TNRC18: variants seen among roughly 807,000 people sequenced by gnomAD.
TNRC18 encodes trinucleotide repeat-containing gene 18 protein.
A neutral mutation model predicts 226.7 loss-of-function variants in TNRC18; 69 were observed. The ratio of observed to expected loss-of-function variants is 0.30; its 90% confidence interval spans 0.25 to 0.37. The LOEUF (loss-of-function observed/expected upper bound fraction) is 0.37. TNRC18 is among the 10% of genes least tolerant of loss of function. The pLI is 1.00. For synonymous variants in TNRC18, 2,449 were observed against 1,927.6 expected, an observed-to-expected ratio of 1.27 and a Z score of -7.09; for missense variants, 4,754 against 4,256.6, an observed-to-expected ratio of 1.12 and a Z score of -3.25.
chr7:5,371,958 C>T (rs990337524), intron 10 of TNRC18, among the ~76,000 whole-genome samples: 5 of 152,302 alleles, frequency 3.3e-5, no homozygotes, highest in African/African-American at 4.8e-5. Flanking sequence ...AACGCAACGG[C>T]GCCATCTCAG....
chr7:5,397,062 T>C (rs1780740758), intron 2 of TNRC18, among the ~76,000 whole-genome samples: 1 of 151,954 alleles, frequency 6.6e-6, no homozygotes, highest in South Asian at 2.1e-4. Context: ...CCACACGCCA[T>C]CACCACCACC....
chr7:5,317,941 C>A (rs1234637004), intron 24 of TNRC18, among the ~76,000 whole-genome samples: 1 of 150,846 alleles, frequency 6.6e-6, no homozygotes, highest in Non-Finnish European at 1.5e-5. Flanking sequence ...GTGATCTCGG[C>A]TCACTGCAAC....
chr7:5,377,052 G>C lies in TNRC18; in HGVS notation c.2462-59C>G. ...GGGAGCCCCCAAGCGGTTTGTCCTCGGGCAGCCCCAGCCCAGCACCACCTC... is the reference window on the plus strand; with the variant it reads ...GGGAGCCCCCAAGCGGTTTGTCCTCCGGCAGCCCCAGCCCAGCACCACCTC... On this transcript the variant is annotated intron_variant, in intron 7 of 29. Coordinates refer to ENST00000430969, the MANE Select transcript of TNRC18 (RefSeq NM_001080495.3). This position sits in a 1 kb window ranked among gnomAD's most constrained non-coding sequence, Gnocchi z 5.8. 1 of 1,533,380 alleles carries C rather than the reference G, an allele frequency of 6.5e-7. No individual in the cohort carries two copies. The highest frequency in any genetic ancestry group is 8.8e-7 in the Non-Finnish European group (1 of 1,142,444). The allele number at this position is 1,533,380 out of a possible 1,614,324, so 95.0% of individuals were successfully genotyped here.
intron 18 of TNRC18, among the ~76,000 whole-genome samples, chr7:5,341,135 G>T (rs971172991): frequency 1.3e-5 from 2 of 151,904 alleles, no homozygotes; most frequent in Non-Finnish European, 2.9e-5. Context: ...CAACAGGCCG[G>T]GTGCAGTGGC....
At chr7:5,355,665 T>A (rs1262009941) in intron 16 of TNRC18, among the ~76,000 whole-genome samples, 1 of 152,026 alleles carries the variant, frequency 6.6e-6, no homozygotes, top group African/African-American at 2.4e-5. Flanking sequence ...AGGGGAGGAT[T>A]GCTTGAGCCC....
At chr7:5,320,044 T>C (rs1788190920) in intron 24 of TNRC18, 3 of 392,218 alleles carry the variant, frequency 7.6e-6, no homozygotes, top group Admixed American at 3.6e-5. Flanking sequence ...CCTCCAATGA[T>C]AAGAGTTCTT....
intron 17 of TNRC18, among the ~76,000 whole-genome samples, chr7:5,350,635 C>A (rs1470720103): frequency 6.6e-6 from 1 of 152,186 alleles, no homozygotes; most frequent in East Asian, 1.9e-4. Context: ...GAAAAAATGT[C>A]AGAGATTCAC....
intron 21 of TNRC18, among the ~76,000 whole-genome samples, chr7:5,323,658 C>T (rs1183837217): frequency 1.3e-5 from 2 of 151,586 alleles, no homozygotes; most frequent in Admixed American, 1.3e-4. Context: ...ACCTCCGCCT[C>T]CTGGTTTCAA....
In TNRC18 at chr7:5,312,475, G is replaced by A. The variant is rs982326819; in HGVS notation, c.8388+28C>T. 5.0e-6 allele frequency: 8 copies of A among 1,605,034 alleles called. No homozygotes were observed. Among genetic ancestry groups the A allele is most frequent in the South Asian group, 2.2e-5 (2 of 90,448 alleles). Reference sequence around the variant, plus strand: ...AGAGACACAAGGCCCCCGGCCCCTCGGCCGTGCCCGGGCGCGAGCTTGCTC... The same window carrying A: ...AGAGACACAAGGCCCCCGGCCCCTCAGCCGTGCCCGGGCGCGAGCTTGCTC... On this transcript the variant is annotated intron_variant, in intron 27 of 29. Transcript: ENST00000430969. The surrounding 1 kb of genome is among the most constrained non-coding windows in gnomAD (Gnocchi z 6.3).
intron 2 of TNRC18, among the ~76,000 whole-genome samples, chr7:5,409,288 A>G (rs1781687533): frequency 6.6e-6 from 1 of 152,150 alleles, no homozygotes; most frequent in African/African-American, 2.4e-5. Context: ...ACGCCAGGGG[A>G]AAAAAATACA....
At chr7:5,383,441 A>G (rs1339534461) in intron 5 of TNRC18, among the ~76,000 whole-genome samples, 3 of 152,144 alleles carry the variant, frequency 2.0e-5, no homozygotes, top group East Asian at 1.9e-4. Flanking sequence ...CGCACCCACT[A>G]TGTGCCCGTC....
intron 18 of TNRC18, among the ~76,000 whole-genome samples, chr7:5,341,032 T>C (rs6947886): frequency 0.32 from 49,226 of 151,932 alleles, 9,535 homozygotes; most frequent in East Asian, 0.67. Context: ...TGGGGACTTT[T>C]AAGTTGAAGC....
rs1583905844 is a variant in TNRC18, at chr7:5,359,689, A to G, written c.4662-120T>C. The G allele has an allele frequency of 2.7e-6, 3 of 1,093,574 alleles. No homozygotes were observed. The East Asian group carries it at 7.1e-5, about 26-fold the overall frequency. 67.7% of individuals were successfully genotyped at this position (1,093,574 alleles called of 1,614,324 possible). On this transcript the variant is annotated intron_variant, in intron 14 of 29. Transcript: ENST00000430969. Reference sequence around the variant, plus strand: ...CCCTGAGCGTGGACAGTGATGGCAGAGTGACGGGCGTGGGGAGATGGATCT... The same window carrying G: ...CCCTGAGCGTGGACAGTGATGGCAGGGTGACGGGCGTGGGGAGATGGATCT...
chr7:5,365,878 T>C (rs939142347), intron 11 of TNRC18, among the ~76,000 whole-genome samples: 3 of 152,132 alleles, frequency 2.0e-5, no homozygotes, highest in African/African-American at 7.2e-5. Context: ...GAGACCAGCC[T>C]GACCAACATG....
rs771326389 is a variant in TNRC18, at chr7:5,313,184, G to GCTA, written c.7704_7706dup (p.Ser2577dup). ...CGCTGCTGCTGCTGCTGCTGCTGCT[G>GCTA]CTACTGCTGCCACTACTGCTGCTGC... On this transcript the variant is annotated inframe_insertion, in exon 27 of 30. Coordinates refer to ENST00000430969, the MANE Select transcript of TNRC18 (RefSeq NM_001080495.3). The GCTA allele has an allele frequency of 1.9e-6, 3 of 1,541,458 alleles. No individual in the cohort carries two copies. Among genetic ancestry groups the GCTA allele is most frequent in the Admixed American group, 2.0e-5 (1 of 50,888 alleles).
rs188992277 is a variant in TNRC18 at position 5,334,172 on chromosome 7, C to T, written c.5720-1123G>A. Among the ~76,000 whole-genome samples the T allele has an allele frequency of 6.6e-3, 1,008 of 152,322 alleles. 9 individuals are homozygous for T. Among genetic ancestry groups the T allele is most frequent in the African/African-American group, 0.024 (984 of 41,560 alleles). On this transcript the variant is annotated intron_variant, in intron 18 of 29. Coordinates refer to ENST00000430969, the MANE Select transcript of TNRC18 (RefSeq NM_001080495.3). The stretch of plus-strand genomic sequence containing the variant: ...GGCCCAATCCCAGGCCTACTGACCC[C>T]GGGGGGCAGCCGTGAGAGGCTTGCT...
At chr7:5,414,614 A>G (rs925145398) in intron 2 of TNRC18, among the ~76,000 whole-genome samples, 2 of 151,886 alleles carry the variant, frequency 1.3e-5, no homozygotes, top group African/African-American at 2.4e-5. Flanking sequence ...GGGTTTCACC[A>G]TGTTATCCAG....
chr7:5,371,426 A>C, intron 10 of TNRC18, 62 bp from the exon 11 acceptor site: 1 of 1,436,786 alleles, frequency 7.0e-7, no homozygotes, highest in South Asian at 1.5e-5. Context: ...GTCCCCACTG[A>C]CACCCGCCCA....
chr7:5,362,029 T>C lies in TNRC18; in HGVS notation c.4400A>G (p.Tyr1467Cys). 6.2e-7 allele frequency: 1 copy of C among 1,612,722 alleles called. No homozygotes were observed. Among genetic ancestry groups the C allele is most frequent in the Non-Finnish European group, 8.5e-7 (1 of 1,179,422 alleles). ...SWMRKKEERM[Y>C]AMKSSLEDMD... ...GTCCTCCAGGGAGGACTTCATGGCA[T>C]ACATCTGGGGGAAGAACCGGGAGAG... Residue 1467 changes from tyrosine to cysteine, a missense_variant, in exon 13 of 30, where the codon TAT becomes TGT. Physicochemically the swap from Tyr to Cys is radical, Grantham distance 194. Coordinates refer to ENST00000430969, the MANE Select transcript of TNRC18 (RefSeq NM_001080495.3).
Sources: gnomAD v4.1 joint callset for allele counts (sites outside exome capture counted in the v4.1 genomes callset) on GRCh38, gnomAD v4.1.1 for gene constraint, Gnocchi (gnomAD v3.1) non-coding constraint, MANE v1.5 for transcripts, NCBI Gene and HGNC (gene_info 2026-07-23, HGNC 2026-07-21) for gene names.